The following ZNF169 variants were observed in gnomAD, a reference collection of about 807,000 sequenced individuals.
ZNF169 encodes zinc finger protein 169.
In ZNF169, 11 loss-of-function variants were observed where a neutral mutation model predicts 12.0. That is an observed-to-expected ratio of 0.92 (90% confidence interval 0.58 to 1.52). ZNF169 has a LOEUF of 1.52. ZNF169 is among the 40% of genes most tolerant of loss of function. ZNF169 has a pLI of 0.00. For synonymous variants in ZNF169, 302 were observed against 286.5 expected (o/e 1.05, Z -0.55); for missense variants, 722 against 744.0 (o/e 0.97, Z 0.34).
At chr9:94,270,778 TA>T (rs1830387733) in intron 1 of ZNF169, among the ~76,000 whole-genome samples, 1 of 79,778 alleles carries the variant, frequency 1.3e-5, no homozygotes, top group African/African-American at 4.8e-5. Context: ...TGTTATATAT[TA>T]TATAAATATA....
chr9:94,299,597 T>C (rs1831013982), intron 4 of ZNF169: 3 of 1,373,520 alleles, frequency 2.2e-6, no homozygotes, highest in South Asian at 3.9e-5. Flanking sequence ...CAGCAATTTA[T>C]AGAGCTGAAG....
intron 1 of ZNF169, among the ~76,000 whole-genome samples, chr9:94,275,919 G>A (rs186722112): frequency 8.0e-5 from 12 of 150,156 alleles, no homozygotes; most frequent in Non-Finnish European, 7.4e-5. Context: ...GTAGCTGGGC[G>A]CCTGCTACCA....
In ZNF169 at chr9:94,301,017, C is replaced by T. The variant is rs940745937; in HGVS notation, c.1459C>T (p.Leu487=). ...GACACACACAGGGGAGAAGCCTTAT[C>T]TGTGCCCCAAGTGTGGGCGTGCATT... is the stretch of plus-strand genomic sequence containing the variant. ...QRTHTGEKPY[L]CPKCGRAFGF... The change falls in exon 5 of 5, where the codon CTG becomes TTG. Residue 487 remains leucine, a synonymous_variant. Transcript: ENST00000395395. 2 of 1,613,720 alleles carry T rather than the reference C, an allele frequency of 1.2e-6. No individual in the cohort carries two copies. Among genetic ancestry groups the T allele is most frequent in the Non-Finnish European group, 1.7e-6 (2 of 1,179,968 alleles).
chr9:94,268,049 T>C (rs528238973), intron 1 of ZNF169, among the ~76,000 whole-genome samples: 10 of 151,708 alleles, frequency 6.6e-5, no homozygotes. Context: ...TTGTTTTTTT[T>C]AGTAGAGATG....
At chr9:94,287,762 C>CA in intron 2 of ZNF169, 4 of 1,395,912 alleles carry the variant, frequency 2.9e-6, no homozygotes, top group Non-Finnish European at 4.1e-6. Flanking sequence ...TCTTGCCATC[C>CA]AGGAGAGCTG....
chr9:94,270,752 A>AT (rs1437421468), intron 1 of ZNF169, among the ~76,000 whole-genome samples: 1 of 91,134 alleles, frequency 1.1e-5, no homozygotes, highest in Admixed American at 1.8e-4. Flanking sequence ...GTATTTATAT[A>AT]ATATATAAAT....
In ZNF169 at chr9:94,301,420, C is replaced by T; in HGVS notation, c.*50C>T. On this transcript the variant is annotated 3_prime_UTR_variant, in exon 5 of 5. Coordinates refer to ENST00000395395, the MANE Select transcript of ZNF169 (RefSeq NM_194320.4). ...AGCTGGCAGAAATCACTAGTAAATG[C>T]TTCAGTTTCCTGAAATGGAATGGAA... 1 of 1,493,720 alleles carries T rather than the reference C, an allele frequency of 6.7e-7. No homozygotes were observed. The highest frequency in any genetic ancestry group is 1.4e-5 in the South Asian group (1 of 73,464). The allele number at this position is 1,493,720 out of a possible 1,614,324, so 92.5% of individuals were successfully genotyped here.
chr9:94,273,016 C>A (rs1222075809), intron 1 of ZNF169, among the ~76,000 whole-genome samples: 1 of 151,882 alleles, frequency 6.6e-6, no homozygotes, highest in African/African-American at 2.4e-5. Context: ...TTGGCTATTT[C>A]TATATCTTCT....
chr9:94,295,541 T>C (rs1480181210), intron 4 of ZNF169: 1 of 152,182 alleles, frequency 6.6e-6, no homozygotes, highest in Non-Finnish European at 1.5e-5. Context: ...CGCCTTACTG[T>C]AATCCTACCT....
intron 2 of ZNF169, 38 bp downstream of exon 2, chr9:94,278,883 G>C: frequency 6.2e-7 from 1 of 1,609,268 alleles, no homozygotes. Context: ...TTGCAGGAAG[G>C]TTTCATAATC....
chr9:94,266,085 CAAAAA>C (rs34161642), intron 1 of ZNF169, among the ~76,000 whole-genome samples: 4 of 134,106 alleles, frequency 3.0e-5, no homozygotes, highest in Non-Finnish European at 3.1e-5. Flanking sequence ...GACTTTGTCT[CAAAAA>C]AAAAAAAAAA....
At chr9:94,284,500 A>G (rs1830689354) in intron 2 of ZNF169, among the ~76,000 whole-genome samples, 1 of 152,196 alleles carries the variant, frequency 6.6e-6, no homozygotes, top group East Asian at 1.9e-4. Context: ...AACAGCAGGA[A>G]TGGACTAAGT....
rs957213979 is a variant in ZNF169, at chr9:94,300,073, C to T, written c.515C>T (p.Pro172Leu). 1.9e-6 allele frequency: 3 copies of T among 1,613,958 alleles called. No individual in the cohort carries two copies. Among genetic ancestry groups the T allele is most frequent in the Middle Eastern group, 1.6e-4 (1 of 6,084 alleles). The change falls in exon 5 of 5, where the codon CCA becomes CTA. Residue 172 changes from proline to leucine, a missense_variant. Transcript: ENST00000395395. Reference sequence around the variant, plus strand: ...TTCTTCAGCCCACATCAAGGTGACCCAGTAGAATGGGTAGAAGGGAACAGA... The same window carrying T: ...TTCTTCAGCCCACATCAAGGTGACCTAGTAGAATGGGTAGAAGGGAACAGA... The part of the protein sequence containing the change: ...RTFFSPHQGD[P>L]VEWVEGNREG...
intron 1 of ZNF169, among the ~76,000 whole-genome samples, chr9:94,259,686 C>T (rs1587663999): frequency 6.6e-6 from 1 of 152,214 alleles, no homozygotes; most frequent in East Asian, 1.9e-4. Context: ...TCGGGGGCCG[C>T]TGAGTGGGCT....
intron 2 of ZNF169, 32 bp from the exon 3 acceptor site, chr9:94,292,309 G>A (rs768109829): frequency 6.2e-7 from 1 of 1,613,800 alleles, no homozygotes; most frequent in Non-Finnish European, 8.5e-7. Flanking sequence ...ATGGCTGGCT[G>A]TTGAGTGAGC....
chr9:94,277,440 A>G (rs1830543504), intron 1 of ZNF169, among the ~76,000 whole-genome samples: 1 of 152,120 alleles, frequency 6.6e-6, no homozygotes, highest in Admixed American at 6.5e-5. Flanking sequence ...CCCACAAGAG[A>G]CTTTGTAGGG....
At chr9:94,278,723 C>T in intron 1 of ZNF169, 35 bp from the exon 2 acceptor site, 2 of 1,298,586 alleles carry the variant, frequency 1.5e-6, no homozygotes, top group Non-Finnish European at 1.1e-6. Flanking sequence ...GTGTTCTTCC[C>T]AAGTACCTCT....
intron 3 of ZNF169, 73 bp from the exon 4 acceptor site, chr9:94,292,901 T>G: frequency 7.6e-7 from 1 of 1,322,956 alleles, no homozygotes; most frequent in Non-Finnish European, 1.1e-6. Context: ...ATTCCTGGGT[T>G]GGCTCTGAGT....
intron 1 of ZNF169, among the ~76,000 whole-genome samples, chr9:94,262,508 G>C (rs964268782): frequency 1.3e-5 from 2 of 152,070 alleles, no homozygotes; most frequent in East Asian, 3.8e-4. Flanking sequence ...GCCCAGGCTG[G>C]AGTGCAGTGG....
Sources: allele counts gnomAD v4.1 joint callset (sites outside exome capture counted in the v4.1 genomes callset), GRCh38; gene constraint gnomAD v4.1.1; transcripts MANE v1.5; gene names NCBI Gene and HGNC (gene_info 2026-07-23, HGNC 2026-07-21).